The following FLRT2 variants were observed in gnomAD, a reference collection of about 807,000 sequenced individuals.
FLRT2 encodes leucine-rich repeat transmembrane protein FLRT2.
FLRT2 carries 15 observed loss-of-function variants against 40.0 expected under a neutral mutation model. The observed-to-expected ratio is 0.38, with a 90% CI of 0.25 to 0.58. The LOEUF (loss-of-function observed/expected upper bound fraction) is 0.58, where lower values mean the gene tolerates loss of function less well. FLRT2 is among the 20% of genes least tolerant of loss of function. FLRT2 has a pLI of 0.71. For missense variants in FLRT2, 726 were observed against 840.0 expected (o/e 0.86, Z 1.68); for synonymous variants, 380 against 336.8 (o/e 1.13, Z -1.41).
rs1033172621 is a variant in FLRT2, at chr14:85,645,772, G to A, written c.*22275G>A. On this transcript the variant is annotated 3_prime_UTR_variant, in exon 2 of 2. Coordinates refer to ENST00000330753, the MANE Select transcript of FLRT2 (RefSeq NM_013231.6). ...CCACCCTCCTCACGTCTTGCTCAATGACTTCATGAATGAAAAGTTTATGAT... is the reference window on the plus strand; with the variant it reads ...CCACCCTCCTCACGTCTTGCTCAATAACTTCATGAATGAAAAGTTTATGAT... The A allele has an allele frequency of 3.3e-5, 5 of 152,140 alleles. No individual in the cohort carries two copies. The highest frequency in any genetic ancestry group is 1.2e-4 in the African/African-American group (5 of 41,440). The allele number at this position is 152,140 out of a possible 1,614,324, so 9.4% of individuals were successfully genotyped here. A position where few individuals can be genotyped will look rare whatever the true frequency, so the allele number is the denominator to read the frequency against.
rs1893367691 is a variant in FLRT2, at chr14:85,621,313, G to A, written c.-202G>A. 3.5e-6 allele frequency: 2 copies of A among 563,402 alleles called. No individual in the cohort carries two copies. Among genetic ancestry groups the A allele is most frequent in the East Asian group, 2.9e-5 (1 of 34,356 alleles). 34.9% of individuals were successfully genotyped at this position (563,402 alleles called of 1,614,324 possible). On this transcript the variant is annotated 5_prime_UTR_variant, in exon 2 of 2. Coordinates refer to ENST00000330753, the MANE Select transcript of FLRT2 (RefSeq NM_013231.6). The stretch of plus-strand genomic sequence containing the variant: ...CCCTGTTGAATTTTTTGCACATGGA[G>A]GACAGCAGCAAAGAGGGCAACACAG...
In FLRT2 at chr14:85,624,969, TCA is replaced by T. The variant is rs1233161137; in HGVS notation, c.*1473_*1474del. ...TACTTTGGCAATTGTGGAGGGCTAA[TCA>T]ATCTTATGTTAGCAGGACAACCCAT... On this transcript the variant is annotated 3_prime_UTR_variant, in exon 2 of 2. Coordinates refer to ENST00000330753, the MANE Select transcript of FLRT2 (RefSeq NM_013231.6). The T allele has an allele frequency of 6.0e-6, 1 of 167,056 alleles. No homozygotes were observed. The allele number at this position is 167,056 out of a possible 1,614,324, so 10.3% of individuals were successfully genotyped here.
chr14:85,591,678 A>C (rs1248296257), intron 1 of FLRT2, among the ~76,000 whole-genome samples: 1 of 152,166 alleles, frequency 6.6e-6, no homozygotes, highest in South Asian at 2.1e-4. Context: ...GAATCCCATC[A>C]CCTCAACCCT....
chr14:85,543,716 C>G (rs1184626821), intron 1 of FLRT2, among the ~76,000 whole-genome samples: 1 of 152,110 alleles, frequency 6.6e-6, no homozygotes, highest in Non-Finnish European at 1.5e-5. Flanking sequence ...GCATGGCCCT[C>G]TTGATACTTT....
chr14:85,621,520 C>T lies in FLRT2; in HGVS notation c.6C>T (p.Gly2=). 3 of 1,606,156 alleles carry T rather than the reference C, an allele frequency of 1.9e-6. No individual in the cohort carries two copies. The highest frequency in any genetic ancestry group is 2.2e-5 in the South Asian group (2 of 90,240). The change falls in exon 2 of 2, where the codon GGC becomes GGT. Residue 2 remains glycine, a synonymous_variant. Transcript: ENST00000330753. M[G]LQTTKWPSHG... The stretch of plus-strand genomic sequence containing the variant: ...TTTATTTCCGTACTTCAGAAATGGG[C>T]CTACAGACCACAAAGTGGCCCAGCC...
At chr14:85,565,205 TC>T (rs1248507848) in intron 1 of FLRT2, among the ~76,000 whole-genome samples, 3 of 152,234 alleles carry the variant, frequency 2.0e-5, no homozygotes, top group African/African-American at 7.2e-5. Context: ...ATGAAAGCCT[TC>T]CTGACCCAAA....
chr14:85,596,271 G>T (rs367738461), intron 1 of FLRT2, among the ~76,000 whole-genome samples: 1 of 152,176 alleles, frequency 6.6e-6, no homozygotes, highest in African/African-American at 2.4e-5. Context: ...TGTCCTCGCG[G>T]ATTTAGGTGC....
intron 1 of FLRT2, among the ~76,000 whole-genome samples, chr14:85,531,781 A>T (rs908860809): frequency 6.6e-6 from 1 of 152,142 alleles, no homozygotes; most frequent in African/African-American, 2.4e-5. Flanking sequence ...GGGCTATGTA[A>T]ATGTAAGTCA....
chr14:85,554,163 T>TA (rs1029186739), intron 1 of FLRT2, among the ~76,000 whole-genome samples: 18 of 152,012 alleles, frequency 1.2e-4, no homozygotes, highest in African/African-American at 3.4e-4. Flanking sequence ...GTATTTAAGT[T>TA]AAAAAAAAGG....
intron 1 of FLRT2, among the ~76,000 whole-genome samples, chr14:85,539,949 T>A (rs1030772026): frequency 6.6e-6 from 1 of 152,206 alleles, no homozygotes; most frequent in Non-Finnish European, 1.5e-5. Context: ...TATCTCCTTT[T>A]CTGAGTTTGC....
chr14:85,628,957 C>T lies in FLRT2; in HGVS notation c.*5460C>T, dbSNP rs556607956. 5 of 152,258 alleles carry T rather than the reference C, an allele frequency of 3.3e-5. No homozygotes were observed. In the South Asian group the frequency reaches 6.2e-4, roughly 19 times the overall value. The allele number at this position is 152,258 out of a possible 1,614,324, so 9.4% of individuals were successfully genotyped here. On this transcript the variant is annotated 3_prime_UTR_variant, in exon 2 of 2. Transcript: ENST00000330753. ...AGAGGCCTCACAGAATAGTGAAATG[C>T]GTTCTTAGCCAAATCAGGCAAATCT...
At position 85,632,482 on chromosome 14, in the gene FLRT2, AAT is replaced by A. The variant is rs1270519974; in HGVS notation, c.*8986_*8987del. On this transcript the variant is annotated 3_prime_UTR_variant, in exon 2 of 2. Transcript: ENST00000330753. ...TGAGACTCAAAAAAAAAAAAAAAAA[AAT>A]CACCTTGCAACAAAATATCGCCATC... 9 of 151,664 alleles carry A rather than the reference AAT, an allele frequency of 5.9e-5. No individual in the cohort carries two copies. The highest frequency in any genetic ancestry group is 2.2e-4 in the African/African-American group (9 of 41,308). The allele number at this position is 151,664 out of a possible 1,614,324, so 9.4% of individuals were successfully genotyped here. A position where few individuals can be genotyped will look rare whatever the true frequency, so the allele number is the denominator to read the frequency against.
rs1594982694 is a variant in FLRT2, at chr14:85,651,848, T to C, written c.*28351T>C. The C allele has an allele frequency of 1.3e-5, 2 of 152,230 alleles. No homozygotes were observed. The highest frequency in any genetic ancestry group is 3.4e-3 in the Middle Eastern group (1 of 294). 9.4% of individuals were successfully genotyped at this position (152,230 alleles called of 1,614,324 possible). A position where few individuals can be genotyped will look rare whatever the true frequency, so the allele number is the denominator to read the frequency against. On this transcript the variant is annotated 3_prime_UTR_variant, in exon 2 of 2. Coordinates refer to ENST00000330753, the MANE Select transcript of FLRT2 (RefSeq NM_013231.6). Reference sequence around the variant, plus strand: ...GAAAATCTCAGCATGCATATTTGACTTAAATTCTAAAATTAATAAACACTT... The same window carrying C: ...GAAAATCTCAGCATGCATATTTGACCTAAATTCTAAAATTAATAAACACTT...
chr14:85,610,250 C>T (rs1305050493), intron 1 of FLRT2, among the ~76,000 whole-genome samples: 2 of 152,008 alleles, frequency 1.3e-5, no homozygotes, highest in South Asian at 2.1e-4. Flanking sequence ...TGGGGATGTT[C>T]GCGAGAAGAG....
chr14:85,643,349 T>TCCA lies in FLRT2; in HGVS notation c.*19852_*19853insCCA, dbSNP rs1566774535. ...TTTCTTTCTTTCTTTCTTTCTTTCT[T>TCCA]TCTTTCTTCCTTCCTTCCTTCCTTC... is the stretch of plus-strand genomic sequence containing the variant. On this transcript the variant is annotated 3_prime_UTR_variant, in exon 2 of 2. Transcript: ENST00000330753. 1.7e-5 allele frequency: 1 copy of TCCA among 60,560 alleles called. No individual in the cohort carries two copies. The highest frequency in any genetic ancestry group is 1.8e-4 in the Admixed American group (1 of 5,490). The allele number at this position is 60,560 out of a possible 1,614,324, so 3.8% of individuals were successfully genotyped here. A position where few individuals can be genotyped will look rare whatever the true frequency, so the allele number is the denominator to read the frequency against.
chr14:85,621,441 T>G lies in FLRT2; in HGVS notation c.-74T>G. 2 of 1,393,890 alleles carry G rather than the reference T, an allele frequency of 1.4e-6. No individual in the cohort carries two copies. Among genetic ancestry groups the G allele is most frequent in the Non-Finnish European group, 1.9e-6 (2 of 1,031,326 alleles). 86.3% of individuals were successfully genotyped at this position (1,393,890 alleles called of 1,614,324 possible). ...CTTCAACAGAACCCCATCCAGTCAT[T>G]TTGATTTTGCTGTTTATTTTTTTTT... On this transcript the variant is annotated 5_prime_UTR_variant, in exon 2 of 2. In the 5' UTR this introduces an upstream ATG that the reference lacks. Coordinates refer to ENST00000330753, the MANE Select transcript of FLRT2 (RefSeq NM_013231.6).
chr14:85,606,895 C>T (rs1892644409), intron 1 of FLRT2, among the ~76,000 whole-genome samples: 1 of 151,306 alleles, frequency 6.6e-6, no homozygotes, highest in African/African-American at 2.4e-5. Context: ...TTATTACACC[C>T]CCTTCCCCCA....
chr14:85,533,270 A>G (rs1333764864), intron 1 of FLRT2, among the ~76,000 whole-genome samples: 1 of 152,018 alleles, frequency 6.6e-6, no homozygotes, highest in Non-Finnish European at 1.5e-5. Context: ...TCATTACTGT[A>G]AACATATCCG....
rs1893428397 is a variant in FLRT2, at chr14:85,622,281, G to C, written c.767G>C (p.Arg256Thr). 1 of 1,613,964 alleles carries C rather than the reference G, an allele frequency of 6.2e-7. No individual in the cohort carries two copies. Residue 256 changes from arginine to threonine, a missense_variant, in exon 2 of 2, where the codon AGG becomes ACG. Around this residue, in one of 3 missense-constraint regions of FLRT2, gnomAD observed 611 missense variants for 690.0 expected, o/e 0.89. Coordinates refer to ENST00000330753, the MANE Select transcript of FLRT2 (RefSeq NM_013231.6). ...PPDLPGTHLIRLYLQDNQINH... is the reference protein window; with the variant it reads ...PPDLPGTHLITLYLQDNQINH... ...GATCTCCCAGGTACGCATCTGATCAGGCTCTATTTGCAGGACAACCAGATA... is the reference window on the plus strand; with the variant it reads ...GATCTCCCAGGTACGCATCTGATCACGCTCTATTTGCAGGACAACCAGATA...
Sources: allele counts gnomAD v4.1 joint callset (sites outside exome capture counted in the v4.1 genomes callset), GRCh38; gene constraint gnomAD v4.1.1; regional missense constraint gnomAD v4.1.1; transcripts MANE v1.5; gene names NCBI Gene and HGNC (gene_info 2026-07-23, HGNC 2026-07-21).